Variants in TAS1R3 observed in about 807,000 individuals in gnomAD.
TAS1R3 encodes the protein taste receptor type 1 member 3.
A neutral mutation model predicts 46.1 loss-of-function variants in TAS1R3; 58 were observed. The observed-to-expected ratio is 1.26, with a 90% CI of 1.02 to 1.57. The LOEUF (loss-of-function observed/expected upper bound fraction) is 1.57. Among genes scored for constraint, TAS1R3 ranks in the 40% most tolerant of loss-of-function variants. The pLI is 0.00. For missense variants in TAS1R3, 1,422 were observed against 1,185.8 expected, an observed-to-expected ratio of 1.20 and a Z score of -2.93; for synonymous variants, 724 against 544.7, an observed-to-expected ratio of 1.33 and a Z score of -4.58.
At position 1,333,278 on chromosome 1, in the gene TAS1R3, C is replaced by A; in HGVS notation, c.1499C>A (p.Ser500Ter). The A allele has an allele frequency of 6.3e-7, 1 of 1,596,854 alleles. No individual in the cohort carries two copies. The highest frequency in any genetic ancestry group is 8.5e-7 in the Non-Finnish European group (1 of 1,173,178). The part of the protein sequence containing the change: ...SDNQKPVSRC[S>*]RQCQEGQVRR... ...GCGCAGAAGCCCGTGTCCCGGTGCT[C>A]GCGGCAGTGCCAGGAGGGCCAGGTG... The change falls in exon 5 of 6, where the codon TCG becomes TAG. Residue 500 changes from serine (S) to a stop codon, truncating the protein, a stop_gained. Coordinates refer to ENST00000339381, the MANE Select transcript of TAS1R3 (RefSeq NM_152228.3). LOFTEE classifies it high-confidence loss of function.
chr1:1,332,120 G>T lies in TAS1R3; in HGVS notation c.589G>T (p.Ala197Ser). ...VPSDRVQLTA[A>S]AELLQEFGWN... ...CAGCGACCGTGTGCAGCTGACGGCC[G>T]CCGCGGAGCTGCTGCAGGAGTTCGG... The change falls in exon 3 of 6, where the codon GCC becomes TCC. Residue 197 changes from alanine to serine, a missense_variant. By Grantham distance (99) the Ala-to-Ser change is moderately conservative. Transcript: ENST00000339381. 1 of 1,599,652 alleles carries T rather than the reference G, an allele frequency of 6.3e-7. No homozygotes were observed. The highest frequency in any genetic ancestry group is 1.3e-5 in the African/African-American group (1 of 75,044).
In TAS1R3 at chr1:1,334,422, C is replaced by A; in HGVS notation, c.2517C>A (p.Gly839=). Reference sequence around the variant, plus strand: ...GAGGGGGCCCTGGGGATGCCCAAGGCCAGAATGACGGGAACACAGGAAATC... The same window carrying A: ...GAGGGGGCCCTGGGGATGCCCAAGGACAGAATGACGGGAACACAGGAAATC... ...FLGGGPGDAQ[G]QNDGNTGNQG... Residue 839 remains glycine, a synonymous_variant, in exon 6 of 6, where the codon GGC becomes GGA. Coordinates refer to ENST00000339381, the MANE Select transcript of TAS1R3 (RefSeq NM_152228.3). The A allele has an allele frequency of 6.2e-7, 1 of 1,600,152 alleles. No individual in the cohort carries two copies. The highest frequency in any genetic ancestry group is 8.5e-7 in the Non-Finnish European group (1 of 1,172,788).
rs370912985 is a variant in TAS1R3 at position 1,331,453 on chromosome 1, G to A, written c.108G>A (p.Val36=). ...AACTTAGGATGAAGGGGGACTACGT[G>A]CTGGGGGGGCTGTTCCCCCTGGGCG... The part of the protein sequence containing the change: ...SQQLRMKGDY[V]LGGLFPLGEA... Residue 36 remains valine, a synonymous_variant, in exon 1 of 6, where the codon GTG becomes GTA. Coordinates refer to ENST00000339381, the MANE Select transcript of TAS1R3 (RefSeq NM_152228.3). 1.2e-6 allele frequency: 2 copies of A among 1,604,210 alleles called. No individual in the cohort carries two copies. The highest frequency in any genetic ancestry group is 1.3e-5 in the African/African-American group (1 of 74,370).
chr1:1,332,060 C>G lies in TAS1R3; in HGVS notation c.529C>G (p.Arg177Gly), dbSNP rs542634007. 9 of 1,605,206 alleles carry G rather than the reference C, an allele frequency of 5.6e-6. No individual in the cohort carries two copies. The South Asian group carries it at 9.9e-5, about 18-fold the overall frequency. ...YGASMELLSA[R>G]ETFPSFFRTV... The stretch of plus-strand genomic sequence containing the variant: ...TGCTAGCATGGAGCTGCTGAGCGCC[C>G]GGGAGACCTTCCCCTCCTTCTTCCG... Residue 177 changes from arginine (R) to glycine (G), a missense_variant, in exon 3 of 6, where the codon CGG becomes GGG. Coordinates refer to ENST00000339381, the MANE Select transcript of TAS1R3 (RefSeq NM_152228.3).
At chr1:1,331,982 G>A (rs768772345) in intron 2 of TAS1R3, 42 bp from the exon 3 acceptor site, 34 of 641,394 alleles carry the variant, frequency 5.3e-5, no homozygotes, top group Middle Eastern at 6.7e-4. Flanking sequence ...AGCCCTGCCC[G>A]TGGGAGCCCC....
Position 1,334,542 on chromosome 1 carries a change from G to A in TAS1R3, c.*78G>A, listed in dbSNP as rs567093109. 34 of 1,395,964 alleles carry A rather than the reference G, an allele frequency of 2.4e-5. No individual in the cohort carries two copies. The East Asian group carries it at 5.5e-4, about 23-fold the overall frequency. The allele number at this position is 1,395,964 out of a possible 1,614,324, so 86.5% of individuals were successfully genotyped here. On this transcript the variant is annotated 3_prime_UTR_variant, in exon 6 of 6. Transcript: ENST00000339381. ...CCAAGCCAGCAATGACCCGTGTCTC[G>A]CTACAGAGACCCTCCCGCTCTAGGT...
chr1:1,332,767 C>T lies in TAS1R3; in HGVS notation c.1236C>T (p.Ala412=). 1.2e-6 allele frequency: 2 copies of T among 1,606,240 alleles called. No homozygotes were observed. Among genetic ancestry groups the T allele is most frequent in the Non-Finnish European group, 1.7e-6 (2 of 1,179,622 alleles). ...TGCACAACACTCTTCAGTGCAACGC[C>T]TCAGGCTGCCCCGCGCAGGACCCCG... The part of the protein sequence containing the change: ...QALHNTLQCN[A]SGCPAQDPVK... Residue 412 remains alanine, a synonymous_variant, in exon 3 of 6, where the codon GCC becomes GCT. Transcript: ENST00000339381.
At position 1,332,238 on chromosome 1, in the gene TAS1R3, G is replaced by C. The variant is rs1407678605; in HGVS notation, c.707G>C (p.Cys236Ser). Residue 236 changes from cysteine to serine, a missense_variant, in exon 3 of 6, where the codon TGC becomes TCC. Coordinates refer to ENST00000339381, the MANE Select transcript of TAS1R3 (RefSeq NM_152228.3). ...FSALAAARGI[C>S]IAHEGLVPLP... ...GCCCTGGCCGCGGCACGCGGCATCT[G>C]CATCGCGCACGAGGGCCTGGTGCCG... 1.3e-6 allele frequency: 2 copies of C among 1,594,662 alleles called. No individual in the cohort carries two copies. Among genetic ancestry groups the C allele is most frequent in the Non-Finnish European group, 1.7e-6 (2 of 1,176,122 alleles).
Position 1,333,918 on chromosome 1 carries a change from G to A in TAS1R3, c.2013G>A (p.Arg671=), listed in dbSNP as rs750109226. Residue 671 remains arginine, a synonymous_variant, in exon 6 of 6, where the codon CGG becomes CGA. Transcript: ENST00000339381. The stretch of plus-strand genomic sequence containing the variant: ...AACTGCCTCTGAGCTGGGCAGACCG[G>A]CTGAGTGGCTGCCTGCGGGGGCCCT... ...ESELPLSWAD[R]LSGCLRGPWA... 6.2e-7 allele frequency: 1 copy of A among 1,601,014 alleles called. No homozygotes were observed. The highest frequency in any genetic ancestry group is 8.5e-7 in the Non-Finnish European group (1 of 1,179,790).
rs901247435 is a variant in TAS1R3 at position 1,334,464 on chromosome 1, A to C, written c.2559A>C (p.Ter853CysextTer36). Residue 853 changes from the stop codon to cysteine (C), a stop_lost, in exon 6 of 6, where the codon TGA becomes TGC. Coordinates refer to ENST00000339381, the MANE Select transcript of TAS1R3 (RefSeq NM_152228.3). The stretch of plus-strand genomic sequence containing the variant: ...CAGGAAATCAGGGGAAACATGAGTG[A>C]CCCAACCCTGTGATCTCAGCCCCGG... ...GNTGNQGKHE[*>C] 3 of 1,544,116 alleles carry C rather than the reference A, an allele frequency of 1.9e-6. No individual in the cohort carries two copies. Among genetic ancestry groups the C allele is most frequent in the Non-Finnish European group, 2.6e-6 (3 of 1,143,190 alleles).
rs1237077710 is a variant in TAS1R3 at position 1,334,164 on chromosome 1, C to G, written c.2259C>G (p.Ser753Arg). The G allele has an allele frequency of 1.3e-6, 2 of 1,587,926 alleles. No individual in the cohort carries two copies. The highest frequency in any genetic ancestry group is 1.7e-6 in the Non-Finnish European group (2 of 1,167,372). ...TCCTGGGCACTTTCCTGGTGCGGAGCCAGCCGGGCTGCTACAACCGTGCCC... is the reference window on the plus strand; with the variant it reads ...TCCTGGGCACTTTCCTGGTGCGGAGGCAGCCGGGCTGCTACAACCGTGCCC... ...LCFLGTFLVR[S>R]QPGCYNRARG... The change falls in exon 6 of 6, where the codon AGC (serine) becomes AGG (arginine). Residue 753 changes from serine (S) to arginine (R), a missense_variant. Ser to Arg is a moderately radical substitution (Grantham distance 110). Transcript: ENST00000339381.
chr1:1,332,870 C>CA (rs1557656960), intron 3 of TAS1R3, 51 bp from the exon 4 acceptor site: 1 of 1,587,482 alleles, frequency 6.3e-7, no homozygotes, highest in East Asian at 2.2e-5. Context: ...GCACGGCCAC[C>CA]ACGCCTGAGC....
chr1:1,333,644 T>C lies in TAS1R3; in HGVS notation c.1739T>C (p.Leu580Pro). The C allele has an allele frequency of 6.2e-7, 1 of 1,612,002 alleles. No homozygotes were observed. The highest frequency in any genetic ancestry group is 8.5e-7 in the Non-Finnish European group (1 of 1,179,912). Reference protein sequence around the residue: ...LLLLLLLSLALGLVLAALGLF... With the variant: ...LLLLLLLSLAPGLVLAALGLF... ...CTGCTCCTGCTGCTGAGCCTGGCGC[T>C]GGGCCTTGTGCTGGCTGCTTTGGGG... The change falls in exon 6 of 6, where the codon CTG becomes CCG. Residue 580 changes from leucine to proline, a missense_variant. Physicochemically the swap from Leu to Pro is moderately conservative, Grantham distance 98 (BLOSUM62 -3). Coordinates refer to ENST00000339381, the MANE Select transcript of TAS1R3 (RefSeq NM_152228.3).
In TAS1R3 at chr1:1,332,468, C is replaced by T; in HGVS notation, c.937C>T (p.Pro313Ser). ...WLTSDLVMGL[P>S]GMAQMGTVLG... Reference sequence around the variant, plus strand: ...GACCTCTGACCTGGTCATGGGGCTGCCCGGCATGGCCCAGATGGGCACGGT... The same window carrying T: ...GACCTCTGACCTGGTCATGGGGCTGTCCGGCATGGCCCAGATGGGCACGGT... The change falls in exon 3 of 6, where the codon CCC becomes TCC. Residue 313 changes from proline to serine, a missense_variant. Transcript: ENST00000339381. The T allele has an allele frequency of 1.2e-6, 2 of 1,609,638 alleles. No individual in the cohort carries two copies.
rs1373219746 is a variant in TAS1R3, at chr1:1,334,148, C to T, written c.2243C>T (p.Thr748Ile). Reference protein sequence around the residue: ...ATLAFLCFLGTFLVRSQPGCY... With the variant: ...ATLAFLCFLGIFLVRSQPGCY... ...CTGGCCTTTCTCTGCTTCCTGGGCA[C>T]TTTCCTGGTGCGGAGCCAGCCGGGC... The change falls in exon 6 of 6, where the codon ACT becomes ATT. Residue 748 changes from threonine to isoleucine, a missense_variant. Physicochemically the swap from Thr to Ile is moderately conservative, Grantham distance 89. Transcript: ENST00000339381. 1 of 1,583,662 alleles carries T rather than the reference C, an allele frequency of 6.3e-7. No individual in the cohort carries two copies. Among genetic ancestry groups the T allele is most frequent in the Non-Finnish European group, 8.6e-7 (1 of 1,164,886 alleles).
rs758932897 is a variant in TAS1R3, at chr1:1,331,459, G to A, written c.114G>A (p.Gly38=). 2.5e-6 allele frequency: 4 copies of A among 1,605,528 alleles called. No individual in the cohort carries two copies. The highest frequency in any genetic ancestry group is 3.4e-6 in the Non-Finnish European group (4 of 1,177,444). Residue 38 remains glycine (G), a synonymous_variant, in exon 1 of 6, where the codon GGG becomes GGA. Coordinates refer to ENST00000339381, the MANE Select transcript of TAS1R3 (RefSeq NM_152228.3). ...QLRMKGDYVL[G]GLFPLGEAEE... ...GGATGAAGGGGGACTACGTGCTGGG[G>A]GGGCTGTTCCCCCTGGGCGAGGCCG...
In TAS1R3 at chr1:1,333,839, C is replaced by G. The variant is rs201675765; in HGVS notation, c.1934C>G (p.Thr645Arg). The change falls in exon 6 of 6, where the codon ACG (threonine) becomes AGG (arginine). Residue 645 changes from threonine (T) to arginine (R), a missense_variant. Physicochemically the swap from Thr to Arg is moderately conservative, Grantham distance 71. Coordinates refer to ENST00000339381, the MANE Select transcript of TAS1R3 (RefSeq NM_152228.3). ...AQQPLSHLPL[T>R]GCLSTLFLQA... is the part of the protein sequence containing the mutation. ...CAGCCCTTGTCCCACCTCCCGCTCA[C>G]GGGCTGCCTGAGCACACTCTTCCTG... is the stretch of plus-strand genomic sequence containing the variant. The G allele has an allele frequency of 3.7e-6, 6 of 1,600,534 alleles. No individual in the cohort carries two copies. The highest frequency in any genetic ancestry group is 4.2e-6 in the Non-Finnish European group (5 of 1,179,656).
Position 1,332,639 on chromosome 1 carries a change from T to C in TAS1R3, c.1108T>C (p.Cys370Arg). The C allele has an allele frequency of 6.2e-7, 1 of 1,608,640 alleles. No individual in the cohort carries two copies. The highest frequency in any genetic ancestry group is 2.2e-5 in the East Asian group (1 of 44,882). ...GGAGGAGGACGTGGTGGGCCAGCGCTGCCCGCAGTGTGACTGCATCACGCT... is the reference window on the plus strand; with the variant it reads ...GGAGGAGGACGTGGTGGGCCAGCGCCGCCCGCAGTGTGACTGCATCACGCT... ...GLEEDVVGQRCPQCDCITLQN... is the reference protein window; with the variant it reads ...GLEEDVVGQRRPQCDCITLQN... The change falls in exon 3 of 6, where the codon TGC becomes CGC. Residue 370 changes from cysteine to arginine, a missense_variant. By Grantham distance (180) the Cys-to-Arg change is radical. Coordinates refer to ENST00000339381, the MANE Select transcript of TAS1R3 (RefSeq NM_152228.3).
At chr1:1,333,153 G>A (rs1324853050) in intron 4 of TAS1R3, 29 bp downstream of exon 4, 1 of 1,602,228 alleles carries the variant, frequency 6.2e-7, no homozygotes, top group Admixed American at 1.7e-5. Context: ...TGCCAGGCGT[G>A]CCCGTGGTAG....
Sources: allele counts gnomAD v4.1 joint callset, GRCh38; gene constraint gnomAD v4.1.1; transcripts MANE v1.5; gene names NCBI Gene and HGNC (gene_info 2026-07-23, HGNC 2026-07-21).